The following KCNMA1 variants were observed in gnomAD, a reference collection of about 807,000 sequenced individuals.
The protein encoded by KCNMA1 is potassium calcium-activated channel subfamily M alpha 1.
Under a neutral mutation model 140.0 loss-of-function variants are expected in KCNMA1, and 29 were observed. The ratio of observed to expected loss-of-function variants is 0.21; its 90% CI spans 0.15 to 0.28. The LOEUF (loss-of-function observed/expected upper bound fraction) is 0.28. KCNMA1 is among the 10% of genes least tolerant of loss of function. The pLI is 1.00. For missense variants in KCNMA1, 880 were observed against 1,602.2 expected (o/e 0.55, Z 7.70); for synonymous variants, 612 against 611.9 (o/e 1.00, Z 0.00).
At chr10:76,882,638 C>T (rs1427049017), downstream of KCNMA1, among the ~76,000 whole-genome samples, 1 of 152,252 alleles carries the variant, frequency 6.6e-6, no homozygotes. Context: ...ATGACTCTGT[C>T]TCTTTTAACT....
At chr10:76,960,842 T>C (rs2071079839) in intron 20 of KCNMA1, among the ~76,000 whole-genome samples, 1 of 152,066 alleles carries the variant, frequency 6.6e-6, no homozygotes, top group Non-Finnish European at 1.5e-5. Context: ...GTTTACAGCA[T>C]GATCTACTGA....
intron 1 of KCNMA1, among the ~76,000 whole-genome samples, chr10:77,409,404 G>A (rs988432378): frequency 3.3e-5 from 5 of 152,194 alleles, no homozygotes; most frequent in Admixed American, 3.3e-4. Flanking sequence ...GCCCAGCCAG[G>A]TGACCACCGG....
chr10:77,589,871 C>T (rs1483238426), intron 1 of KCNMA1, among the ~76,000 whole-genome samples: 1 of 152,124 alleles, frequency 6.6e-6, no homozygotes, highest in Non-Finnish European at 1.5e-5. Flanking sequence ...CCCGGGTTGC[C>T]ACTGCTGGCT....
chr10:76,972,456 A>G (rs1052184774), intron 19 of KCNMA1, among the ~76,000 whole-genome samples: 5 of 152,158 alleles, frequency 3.3e-5, no homozygotes, highest in African/African-American at 1.2e-4. Context: ...CATTGGGCCT[A>G]TAACAAATAA....
intron 3 of KCNMA1, among the ~76,000 whole-genome samples, chr10:77,219,004 T>C (rs974776755): frequency 6.6e-6 from 1 of 152,136 alleles, no homozygotes; most frequent in East Asian, 1.9e-4. Context: ...TTTTATTATT[T>C]AATAAATTTT....
At chr10:77,480,430 T>C (rs1230169940) in intron 1 of KCNMA1, among the ~76,000 whole-genome samples, 1 of 152,206 alleles carries the variant, frequency 6.6e-6, no homozygotes, top group Non-Finnish European at 1.5e-5. Context: ...TCTTCCTAAA[T>C]TGCAGCAGAG....
chr10:77,225,649 C>T (rs1393883557), intron 3 of KCNMA1, among the ~76,000 whole-genome samples: 1 of 152,160 alleles, frequency 6.6e-6, no homozygotes, highest in East Asian at 1.9e-4. Context: ...TCGTAGGTGC[C>T]CACGGGACTG....
intron 25 of KCNMA1, among the ~76,000 whole-genome samples, chr10:76,900,383 C>T (rs915233539): frequency 3.9e-5 from 6 of 151,946 alleles, no homozygotes; most frequent in East Asian, 1.9e-4. Context: ...AACTGATAGA[C>T]GTATTTATGT....
chr10:76,960,614 TTTTG>T (rs1386851476), intron 20 of KCNMA1, among the ~76,000 whole-genome samples: 3,412 of 135,302 alleles, frequency 0.025, 141 homozygotes, highest in Admixed American at 0.067. Flanking sequence ...GATATTATGG[TTTTG>T]TTTTTTTTTT....
intron 13 of KCNMA1, among the ~76,000 whole-genome samples, chr10:77,079,052 C>G (rs1028480030): frequency 6.6e-6 from 1 of 152,256 alleles, no homozygotes; most frequent in Middle Eastern, 3.4e-3. Flanking sequence ...GGGCAGATCA[C>G]CTGAGGTTGG....
intron 13 of KCNMA1, among the ~76,000 whole-genome samples, chr10:77,073,668 C>G (rs1354565329): frequency 6.6e-6 from 1 of 152,170 alleles, no homozygotes. Context: ...ATCAGTGACT[C>G]CCAGGCATCA....
intron 21 of KCNMA1, among the ~76,000 whole-genome samples, chr10:76,952,690 C>T (rs906055816): frequency 6.6e-6 from 1 of 152,142 alleles, no homozygotes; most frequent in African/African-American, 2.4e-5. Flanking sequence ...ACTGTATTGG[C>T]TGTTAATGCT....
At chr10:77,586,158 T>C (rs777831767) in intron 1 of KCNMA1, among the ~76,000 whole-genome samples, 5 of 152,228 alleles carry the variant, frequency 3.3e-5, no homozygotes, top group Non-Finnish European at 7.3e-5. Context: ...CTGAATCTGA[T>C]GGGGCACCAG....
intron 20 of KCNMA1, among the ~76,000 whole-genome samples, chr10:76,954,269 G>GCACACA (rs10663230): frequency 8.1e-4 from 115 of 141,186 alleles, no homozygotes; most frequent in African/African-American, 2.6e-3. Context: ...TCCCCAGCGT[G>GCACACA]CACACACACA....
chr10:76,921,661 T>C (rs1159892930), intron 23 of KCNMA1, among the ~76,000 whole-genome samples: 1 of 152,222 alleles, frequency 6.6e-6, no homozygotes, highest in African/African-American at 2.4e-5. Flanking sequence ...GCAGTCATTT[T>C]TGCAGTATGT....
At chr10:77,239,701 CACTA>C (rs1481396421) in intron 3 of KCNMA1, among the ~76,000 whole-genome samples, 10 of 152,312 alleles carry the variant, frequency 6.6e-5, no homozygotes, top group East Asian at 3.9e-4. Context: ...CGCTACCTAT[CACTA>C]ACTGCCAAAT....
chr10:77,456,356 C>A (rs1384328834), intron 1 of KCNMA1, among the ~76,000 whole-genome samples: 1 of 152,182 alleles, frequency 6.6e-6, no homozygotes, highest in African/African-American at 2.4e-5. Context: ...CGGAGAGAAA[C>A]CTTTCCCATC....
At chr10:77,415,084 C>T (rs1327395670) in intron 1 of KCNMA1, among the ~76,000 whole-genome samples, 2 of 152,134 alleles carry the variant, frequency 1.3e-5, no homozygotes, top group African/African-American at 2.4e-5. Flanking sequence ...CCACTATGTA[C>T]GGACAGAGAG....
chr10:76,945,118 T>C (rs1226460499), intron 22 of KCNMA1, among the ~76,000 whole-genome samples, 153 bp from the exon 23 acceptor site: 3 of 152,168 alleles, frequency 2.0e-5, no homozygotes, highest in African/African-American at 7.2e-5. Context: ...GTATCTTTTT[T>C]ATGCCTTGAC....
Sources: gnomAD v4.1 joint callset for allele counts (sites outside exome capture counted in the v4.1 genomes callset) on GRCh38, gnomAD v4.1.1 for gene constraint, MANE v1.5 for transcripts, NCBI Gene and HGNC (gene_info 2026-07-23, HGNC 2026-07-21) for gene names.